Variants in ATG2B observed in about 807,000 individuals in gnomAD.
The protein encoded by ATG2B is autophagy-related protein 2 homolog B.
A neutral mutation model predicts 241.3 loss-of-function variants in ATG2B; 121 were observed. The observed-to-expected ratio is 0.50, with a 90% CI of 0.43 to 0.58. ATG2B has a LOEUF of 0.58. Ranked by LOEUF, ATG2B falls within the 20% of genes least tolerant of loss-of-function variation. The pLI is 0.00. For synonymous variants in ATG2B, 858 were observed against 876.6 expected (o/e 0.98, Z 0.37); for missense variants, 2,306 against 2,491.6 (o/e 0.93, Z 1.59).
chr14:96,335,890 T>C (rs1487061264), intron 6 of ATG2B, among the ~76,000 whole-genome samples: 1 of 152,192 alleles, frequency 6.6e-6, no homozygotes, highest in Non-Finnish European at 1.5e-5. Context: ...AAAATTTTCA[T>C]AGAAATATTT....
rs1887473721 is a variant in ATG2B, at chr14:96,322,096, A to T, written c.2879+16T>A. On this transcript the variant is annotated intron_variant, in intron 18 of 41. Coordinates refer to ENST00000359933, the MANE Select transcript of ATG2B (RefSeq NM_018036.7). Reference sequence around the variant, plus strand: ...AATCTGATTCCAAAGATTCAACTAAATGTGTATAAACTCACCTATTATAAA... The same window carrying T: ...AATCTGATTCCAAAGATTCAACTAATTGTGTATAAACTCACCTATTATAAA... 1 of 1,492,304 alleles carries T rather than the reference A, an allele frequency of 6.7e-7. No individual in the cohort carries two copies. The highest frequency in any genetic ancestry group is 1.5e-5 in the African/African-American group (1 of 67,950). The allele number at this position is 1,492,304 out of a possible 1,614,324, so 92.4% of individuals were successfully genotyped here. A position where few individuals can be genotyped will look rare whatever the true frequency, so the allele number is the denominator to read the frequency against.
At chr14:96,330,181 C>T (rs1309314792) in intron 11 of ATG2B, among the ~76,000 whole-genome samples, 1 of 151,168 alleles carries the variant, frequency 6.6e-6, no homozygotes, top group East Asian at 2.0e-4. Flanking sequence ...GAAACCCCAT[C>T]TCTCTTAAAA....
chr14:96,294,307 T>C (rs1886570075), intron 36 of ATG2B, among the ~76,000 whole-genome samples: 1 of 152,212 alleles, frequency 6.6e-6, no homozygotes, highest in Non-Finnish European at 1.5e-5. Context: ...CTTCAGTCCC[T>C]TCTCTTTCCC....
At chr14:96,362,124 A>C (rs1331828374) in intron 1 of ATG2B, among the ~76,000 whole-genome samples, 2 of 152,162 alleles carry the variant, frequency 1.3e-5, no homozygotes, top group African/African-American at 4.8e-5. Context: ...AGGTTTTAAA[A>C]TGTCTGAAAA....
At chr14:96,314,207 A>G (rs1164992098) in intron 23 of ATG2B, among the ~76,000 whole-genome samples, 5 of 152,228 alleles carry the variant, frequency 3.3e-5, no homozygotes, top group Non-Finnish European at 5.9e-5. Flanking sequence ...GAATTTTGAA[A>G]ACACTCAAGT....
intron 23 of ATG2B, 95 bp from the exon 24 acceptor site, chr14:96,313,530 G>A: frequency 1.3e-4 from 64 of 507,456 alleles, no homozygotes; most frequent in East Asian, 3.0e-4. Context: ...ATATCTCACA[G>A]AAAAAATCAT....
In ATG2B at chr14:96,289,405, G is replaced by C. The variant is rs1595290337; in HGVS notation, c.6006+251C>G. ...ACGGCATTTGTTTCTATCACTCCCT[G>C]AGTGCTTCTGCAGGTGAAGAGAGAG... On this transcript the variant is annotated intron_variant, in intron 41 of 41. Coordinates refer to ENST00000359933, the MANE Select transcript of ATG2B (RefSeq NM_018036.7). This position sits in a 1 kb window ranked among gnomAD's most constrained non-coding sequence, Gnocchi z 4.3. 2.6e-6 allele frequency: 1 copy of C among 379,772 alleles called. No homozygotes were observed. Among genetic ancestry groups the C allele is most frequent in the East Asian group, 4.9e-5 (1 of 20,526 alleles). 23.5% of individuals were successfully genotyped at this position (379,772 alleles called of 1,614,324 possible).
rs1887142952 is a variant in ATG2B, at chr14:96,311,155, C to T, written c.4123G>A (p.Ala1375Thr). The change falls in exon 28 of 42, where the codon GCA becomes ACA. Residue 1375 changes from alanine to threonine, a missense_variant. By Grantham distance (58) the Ala-to-Thr change is moderately conservative (BLOSUM62 0). Coordinates refer to ENST00000359933, the MANE Select transcript of ATG2B (RefSeq NM_018036.7). ...TGAAAGGCTCCAGGCTTCATATCTG[C>T]CTTGTTAGGTGTCTGCAAGTCACCA... ...SYGDLQTPNK[A>T]DMKPGAFQRR... 6.2e-7 allele frequency: 1 copy of T among 1,613,564 alleles called. No homozygotes were observed. The highest frequency in any genetic ancestry group is 8.5e-7 in the Non-Finnish European group (1 of 1,179,774).
At position 96,284,333 on chromosome 14, in the gene ATG2B, T is replaced by C. The variant is rs1886279807; in HGVS notation, c.*1422A>G. Reference sequence around the variant, plus strand: ...AAAAGGAAACTAAAATTAAAAGCTATATAACCCCATTTTTATAAATTCTAA... The same window carrying C: ...AAAAGGAAACTAAAATTAAAAGCTACATAACCCCATTTTTATAAATTCTAA... On this transcript the variant is annotated 3_prime_UTR_variant, in exon 42 of 42. Transcript: ENST00000359933. 1 of 152,244 alleles carries C rather than the reference T, an allele frequency of 6.6e-6. No individual in the cohort carries two copies. Among genetic ancestry groups the C allele is most frequent in the African/African-American group, 2.4e-5 (1 of 41,460 alleles). The allele number at this position is 152,244 out of a possible 1,614,324, so 9.4% of individuals were successfully genotyped here.
Position 96,325,763 on chromosome 14 carries a change from G to C in ATG2B, c.2323C>G (p.Leu775Val). Reference sequence around the variant, plus strand: ...GCTAAATAAAGGATCTCCTTCTGAAGTGACTTCTTAAACCATGGTCCTCTT... The same window carrying C: ...GCTAAATAAAGGATCTCCTTCTGAACTGACTTCTTAAACCATGGTCCTCTT... The part of the protein sequence containing the change: ...QERGPWFKKS[L>V]QKEILYLAFT... Residue 775 changes from leucine to valine, a missense_variant, in exon 15 of 42, where the codon CTT becomes GTT. Physicochemically the swap from Leu to Val is conservative, Grantham distance 32. Around this residue, in one of 2 missense-constraint regions of ATG2B, gnomAD observed 1,927 missense variants for 2,011.2 expected, o/e 0.96. Transcript: ENST00000359933. The C allele has an allele frequency of 6.2e-7, 1 of 1,613,972 alleles. No individual in the cohort carries two copies. The highest frequency in any genetic ancestry group is 8.5e-7 in the Non-Finnish European group (1 of 1,179,964).
At chr14:96,347,430 A>G (rs549936728) in intron 1 of ATG2B, 89 bp from the exon 2 acceptor site, 3 of 993,006 alleles carry the variant, frequency 3.0e-6, no homozygotes, top group African/African-American at 3.2e-5. Flanking sequence ...ATGCCCACAC[A>G]TGTTAGGCAC....
At chr14:96,348,499 A>G (rs1195443404) in intron 1 of ATG2B, among the ~76,000 whole-genome samples, 1 of 152,118 alleles carries the variant, frequency 6.6e-6, no homozygotes, top group Non-Finnish European at 1.5e-5. Context: ...CCTGGCCAAC[A>G]TGGTGAAATC....
intron 16 of ATG2B, among the ~76,000 whole-genome samples, chr14:96,323,117 A>G (rs774177123): frequency 4.3e-4 from 66 of 152,344 alleles, no homozygotes; most frequent in Non-Finnish European, 8.2e-4. Context: ...ACCTCATGTT[A>G]TATCAACCTC....
Position 96,290,773 on chromosome 14 carries a change from A to G in ATG2B, c.5701+41T>C, listed in dbSNP as rs1886462625. ...AAAGGGATAAGAATTACTCATCTGA[A>G]AAAATAACTTATCTTTTGATTAAAA... On this transcript the variant is annotated intron_variant, in intron 39 of 41. Coordinates refer to ENST00000359933, the MANE Select transcript of ATG2B (RefSeq NM_018036.7). This position sits in a 1 kb window ranked among gnomAD's most constrained non-coding sequence, Gnocchi z 4.4. 6 of 1,588,858 alleles carry G rather than the reference A, an allele frequency of 3.8e-6. No homozygotes were observed. Among genetic ancestry groups the G allele is most frequent in the Non-Finnish European group, 5.1e-6 (6 of 1,170,610 alleles).
chr14:96,305,712 G>A lies in ATG2B; in HGVS notation c.4610C>T (p.Ala1537Val). The change falls in exon 31 of 42, where the codon GCC becomes GTC. Residue 1537 changes from alanine (A) to valine (V), a missense_variant. Around this residue, in one of 2 missense-constraint regions of ATG2B, gnomAD observed 1,927 missense variants for 2,011.2 expected, o/e 0.96. Coordinates refer to ENST00000359933, the MANE Select transcript of ATG2B (RefSeq NM_018036.7). ...LPVNKTDTSK[A>V]PLHFPIPVIR... ...CACAGGAATGGGAAAGTGTAAGGGG[G>A]CTTTGCTCGTATCGGTCTTATTAAC... The A allele has an allele frequency of 6.2e-7, 1 of 1,614,106 alleles. No individual in the cohort carries two copies.
At chr14:96,354,197 T>C (rs868131292) in intron 1 of ATG2B, among the ~76,000 whole-genome samples, 1 of 152,298 alleles carries the variant, frequency 6.6e-6, no homozygotes, top group Middle Eastern at 3.4e-3. Flanking sequence ...CATACGTAAA[T>C]GTGTCCCATG....
In ATG2B at chr14:96,345,312, G is replaced by C. The variant is rs1477148988; in HGVS notation, c.399C>G (p.Ser133Arg). Residue 133 changes from serine to arginine, a missense_variant, in exon 3 of 42, where the codon AGC becomes AGG. By Grantham distance (110) the Ser-to-Arg change is moderately radical (BLOSUM62 -1). Transcript: ENST00000359933. ...SSMQLAKECL[S>R]QKLTDEQGEG... ...CTCCTTGTTCATCTGTTAGTTTCTGGCTAAGACATTCTTTTGCCAATTGCA... is the reference window on the plus strand; with the variant it reads ...CTCCTTGTTCATCTGTTAGTTTCTGCCTAAGACATTCTTTTGCCAATTGCA... 1 of 1,613,210 alleles carries C rather than the reference G, an allele frequency of 6.2e-7. No homozygotes were observed. Among genetic ancestry groups the C allele is most frequent in the South Asian group, 1.1e-5 (1 of 90,998 alleles).
rs544020180 is a variant in ATG2B, at chr14:96,279,614, G to A, written c.*6141C>T. ...GCTATAGTGGGAAACAGAGAGGAAG[G>A]GAGGGTGGCCAGGCTGCCTGAAGTG... On this transcript the variant is annotated 3_prime_UTR_variant, in exon 42 of 42. Transcript: ENST00000359933. 5 of 152,510 alleles carry A rather than the reference G, an allele frequency of 3.3e-5. No homozygotes were observed. Among genetic ancestry groups the A allele is most frequent in the Non-Finnish European group, 7.3e-5 (5 of 68,146 alleles). 9.4% of individuals were successfully genotyped at this position (152,510 alleles called of 1,614,324 possible).
chr14:96,352,971 T>C (rs925260572), intron 1 of ATG2B, among the ~76,000 whole-genome samples: 4 of 152,338 alleles, frequency 2.6e-5, no homozygotes, highest in Admixed American at 6.5e-5. Flanking sequence ...TCATGGTAAG[T>C]GCCCCATACA....
Sources: gnomAD v4.1 joint callset for allele counts (sites outside exome capture counted in the v4.1 genomes callset) on GRCh38, gnomAD v4.1.1 for gene constraint, gnomAD v4.1.1 regional missense constraint, Gnocchi (gnomAD v3.1) non-coding constraint, MANE v1.5 for transcripts, NCBI Gene and HGNC (gene_info 2026-07-23, HGNC 2026-07-21) for gene names.